MTFR1: variants seen among roughly 807,000 people sequenced by gnomAD.
The protein encoded by MTFR1 is chondrocyte protein with a poly-proline region.
In MTFR1, 28 loss-of-function variants were observed where a neutral mutation model predicts 38.8. The observed-to-expected ratio is 0.72, with a 90% confidence interval of 0.53 to 0.99. The LOEUF (loss-of-function observed/expected upper bound fraction) is 0.99, where lower values mean the gene tolerates loss of function less well. MTFR1 is among the 50% of genes least tolerant of loss of function. MTFR1 has a pLI of 0.00. For synonymous variants in MTFR1, 145 were observed against 137.0 expected, an observed-to-expected ratio of 1.06 and a Z score of -0.41; for missense variants, 358 against 395.5, an observed-to-expected ratio of 0.91 and a Z score of 0.81.
At chr8:65,727,350 C>T (rs779408067) in intron 3 of MTFR1, 16 of 1,605,696 alleles carry the variant, frequency 1.0e-5, no homozygotes, top group Non-Finnish European at 1.3e-5. Context: ...CTAAAATAAG[C>T]TCTACGCCAT....
At chr8:65,745,369 G>C (rs1024065488) in intron 3 of MTFR1, 1 of 1,156,670 alleles carries the variant, frequency 8.6e-7, no homozygotes, top group African/African-American at 1.5e-5. Context: ...CAGTAATCTA[G>C]ACTACATTAA....
At chr8:65,754,356 C>G (rs566371680) in intron 3 of MTFR1, among the ~76,000 whole-genome samples, 1 of 152,002 alleles carries the variant, frequency 6.6e-6, no homozygotes, top group Non-Finnish European at 1.5e-5. Flanking sequence ...ACTTTGCATC[C>G]TTCAATCCAA....
intron 3 of MTFR1, chr8:65,722,812 C>G: frequency 6.6e-6 from 1 of 152,214 alleles, no homozygotes; most frequent in Non-Finnish European, 1.5e-5. Flanking sequence ...GGATCAGGCA[C>G]TTTGGAATCT....
chr8:65,704,879 C>T lies in MTFR1; in HGVS notation c.467C>T (p.Ala156Val). ...ALENELAALR[A>V]QIAKIVTQQE... Reference sequence around the variant, plus strand: ...GAAAATGAACTTGCTGCTCTCAGAGCTCAGATTGCCAAAATTGTGACCCAG... The same window carrying T: ...GAAAATGAACTTGCTGCTCTCAGAGTTCAGATTGCCAAAATTGTGACCCAG... The change falls in exon 5 of 8, where the codon GCT becomes GTT. Residue 156 changes from alanine (A) to valine (V), a missense_variant. Physicochemically the swap from Ala to Val is moderately conservative, Grantham distance 64. Coordinates refer to ENST00000262146, the MANE Select transcript of MTFR1 (RefSeq NM_014637.4). The T allele has an allele frequency of 6.2e-7, 1 of 1,610,604 alleles. No individual in the cohort carries two copies. Among genetic ancestry groups the T allele is most frequent in the Non-Finnish European group, 8.5e-7 (1 of 1,178,032 alleles).
At chr8:65,649,165 A>G (rs1421287790) in intron 1 of MTFR1, among the ~76,000 whole-genome samples, 1 of 152,028 alleles carries the variant, frequency 6.6e-6, no homozygotes, top group Non-Finnish European at 1.5e-5. Context: ...TTATATGGAA[A>G]TACTGTATCA....
At chr8:65,731,958 C>CATTCTCTATATTATTATTATTATTATT (rs1192865490) in intron 3 of MTFR1, among the ~76,000 whole-genome samples, 15 of 151,824 alleles carry the variant, frequency 9.9e-5, no homozygotes, top group South Asian at 6.3e-4. Flanking sequence ...TCCACCTGGT[C>CATTCTCTATATTATTATTATTATTATT]ATTCTCTATA....
At chr8:65,777,206 A>C in the MTFR1 span, among the ~76,000 whole-genome samples, 1 of 151,388 alleles carries the variant, frequency 6.6e-6, no homozygotes, top group African/African-American at 2.4e-5. Flanking sequence ...CGGCCTCCCA[A>C]GTAGCTGGGA....
chr8:65,723,601 G>A, intron 3 of MTFR1: 1 of 1,573,310 alleles, frequency 6.4e-7, no homozygotes, highest in Non-Finnish European at 8.6e-7. Context: ...ACACCCAAAT[G>A]ATATTTTTTT....
chr8:65,777,077 CTTTTTTTTTT>C, the MTFR1 span, among the ~76,000 whole-genome samples: 2 of 90,462 alleles, frequency 2.2e-5, no homozygotes, highest in Non-Finnish European at 4.1e-5. Context: ...TTATCAAATG[CTTTTTTTTTT>C]TTTTTTTTTT....
rs566214336 is a variant in MTFR1, at chr8:65,707,017, A to G, written c.525A>G (p.Leu175=). The change falls in exon 6 of 8, where the codon TTA becomes TTG. Residue 175 remains leucine (L), a synonymous_variant. Transcript: ENST00000262146. ...TTTCCTTTGTTTCTGTAGGTGACTTAGATTCTACCACATTTGGTACCATAC... is the reference window on the plus strand; with the variant it reads ...TTTCCTTTGTTTCTGTAGGTGACTTGGATTCTACCACATTTGGTACCATAC... ...QEQQNLTAGD[L]DSTTFGTIPP... is the part of the protein sequence containing the mutation. 19 of 1,595,176 alleles carry G rather than the reference A, an allele frequency of 1.2e-5. No homozygotes were observed. The Admixed American group carries it at 2.7e-4, about 22-fold the overall frequency.
At chr8:65,702,560 C>T (rs9643393) in intron 4 of MTFR1, among the ~76,000 whole-genome samples, 4 of 152,218 alleles carry the variant, frequency 2.6e-5, no homozygotes, top group South Asian at 2.1e-4. Flanking sequence ...TCAGATTATT[C>T]GTTTTCTACC....
At chr8:65,749,625 TA>T (rs1429546897) in intron 3 of MTFR1, among the ~76,000 whole-genome samples, 1 of 152,218 alleles carries the variant, frequency 6.6e-6, no homozygotes, top group Non-Finnish European at 1.5e-5. Context: ...AAGTGCTTTG[TA>T]AAAAGAATCT....
At chr8:65,701,803 G>T (rs1021233695) in intron 4 of MTFR1, among the ~76,000 whole-genome samples, 10 of 152,146 alleles carry the variant, frequency 6.6e-5, no homozygotes, top group African/African-American at 2.4e-4. Context: ...AGTAGCAAGA[G>T]TCCATAGGAA....
rs558012492 is a variant in MTFR1, at chr8:65,767,882, CA to C, written c.*49-3060del. 1.4e-4 allele frequency among the ~76,000 whole-genome samples: 21 copies of C among 152,232 alleles called. 1 individual carries two copies. The South Asian group carries it at 4.4e-3, about 32-fold the overall frequency. On this transcript the variant is annotated intron_variant, in intron 3 of 3. Coordinates refer to the MTFR1 transcript ENST00000521247. ...GCTGCTCCAGCAAATTAATCCAACCCAAAAAGAGGGTCCTGGGAACCGCAAC... is the reference window on the plus strand; with the variant it reads ...GCTGCTCCAGCAAATTAATCCAACCCAAAAGAGGGTCCTGGGAACCGCAAC...
intron 3 of MTFR1, chr8:65,722,953 G>A (rs1365006760): frequency 6.6e-6 from 1 of 152,210 alleles, no homozygotes; most frequent in Non-Finnish European, 1.5e-5. Flanking sequence ...CACAAAGAGC[G>A]AAAGAACAGC....
chr8:65,670,761 G>A (rs1804547111), intron 2 of MTFR1, among the ~76,000 whole-genome samples: 3 of 150,218 alleles, frequency 2.0e-5, no homozygotes, highest in African/African-American at 7.4e-5. Flanking sequence ...CTGGAGTACA[G>A]TGGAGCAATC....
At chr8:65,691,452 T>C (rs1415016786) in intron 3 of MTFR1, among the ~76,000 whole-genome samples, 1 of 151,848 alleles carries the variant, frequency 6.6e-6, no homozygotes. Context: ...CATGCCTAGC[T>C]AATTATTTTG....
chr8:65,659,481 C>A (rs1809354416), intron 1 of MTFR1, among the ~76,000 whole-genome samples: 1 of 150,890 alleles, frequency 6.6e-6, no homozygotes, highest in South Asian at 2.1e-4. Context: ...TGTGTCACTC[C>A]CCCATAGGCT....
At chr8:65,745,283 C>T (rs1807623328) in intron 3 of MTFR1, 1 of 688,296 alleles carries the variant, frequency 1.5e-6, no homozygotes, top group African/African-American at 1.8e-5. Flanking sequence ...TGGACTAATA[C>T]ACTCTCTTCC....
Sources: allele counts gnomAD v4.1 joint callset (sites outside exome capture counted in the v4.1 genomes callset), GRCh38; gene constraint gnomAD v4.1.1; transcripts MANE v1.5; gene names NCBI Gene and HGNC (gene_info 2026-07-23, HGNC 2026-07-21).